Variants in MAN2A1 observed in about 807,000 individuals in gnomAD.
MAN2A1 encodes mannosidase alpha class 2A member 1.
Under a neutral mutation model 142.6 loss-of-function variants are expected in MAN2A1, and 76 were observed. That is an observed-to-expected ratio of 0.53 (90% CI 0.44 to 0.65). The LOEUF (loss-of-function observed/expected upper bound fraction) is 0.65, where lower values mean the gene tolerates loss of function less well. Ranked by LOEUF, MAN2A1 falls within the 30% of genes least tolerant of loss-of-function variation. The pLI, the probability that MAN2A1 is intolerant of heterozygous loss-of-function variation, is 0.00. For synonymous variants in MAN2A1, 559 were observed against 473.2 expected (o/e 1.18, Z -2.35); for missense variants, 1,311 against 1,365.1 (o/e 0.96, Z 0.62).
intron 20 of MAN2A1, chr5:109,863,433 G>A (rs962590212): frequency 2.0e-5 from 3 of 152,206 alleles, no homozygotes; most frequent in Admixed American, 2.0e-4. Flanking sequence ...GTAAATTGCA[G>A]AGCAAGGATC....
intron 12 of MAN2A1, among the ~76,000 whole-genome samples, chr5:109,797,958 C>T (rs1182762980): frequency 6.6e-6 from 1 of 152,148 alleles, no homozygotes; most frequent in Non-Finnish European, 1.5e-5. Flanking sequence ...ACCACAGGCA[C>T]ACTTCCCATA....
At chr5:109,707,909 G>C (rs1002767491) in intron 1 of MAN2A1, among the ~76,000 whole-genome samples, 2 of 152,122 alleles carry the variant, frequency 1.3e-5, no homozygotes, top group Admixed American at 1.3e-4. Flanking sequence ...TTGGACTTAA[G>C]TTTGAAAGCC....
rs1189260066 is a variant in MAN2A1 at position 109,809,370 on chromosome 5, A to G, written c.1944-7903A>G. On this transcript the variant is annotated intron_variant, in intron 12 of 21. Coordinates refer to ENST00000261483, the MANE Select transcript of MAN2A1 (RefSeq NM_002372.4). ...TTTGTGCTCTTCATTTTTCCCTGCA[A>G]TCTCATGTTTCCCTCTGATATTATT... 2.0e-5 allele frequency among the ~76,000 whole-genome samples: 3 copies of G among 151,174 alleles called. No homozygotes were observed. The East Asian group carries it at 5.8e-4, about 29-fold the overall frequency.
intron 1 of MAN2A1, among the ~76,000 whole-genome samples, chr5:109,696,248 A>G (rs1048570060): frequency 2.6e-5 from 4 of 151,894 alleles, no homozygotes; most frequent in African/African-American, 9.7e-5. Flanking sequence ...TTACAGGCAC[A>G]AGCCACCATG....
chr5:109,845,950 A>G lies in MAN2A1; in HGVS notation c.2786A>G (p.Lys929Arg). 1 of 1,613,832 alleles carries G rather than the reference A, an allele frequency of 6.2e-7. No individual in the cohort carries two copies. Among genetic ancestry groups the G allele is most frequent in the Non-Finnish European group, 8.5e-7 (1 of 1,179,788 alleles). ...ACAATGGCCTATATCCAGGATGCCAAACATCGTTTGACACTGCTCTCTGCT... is the reference window on the plus strand; with the variant it reads ...ACAATGGCCTATATCCAGGATGCCAGACATCGTTTGACACTGCTCTCTGCT... ...MTTMAYIQDA[K>R]HRLTLLSAQS... is the part of the protein sequence containing the mutation. The change falls in exon 18 of 22, where the codon AAA becomes AGA. Residue 929 changes from lysine to arginine, a missense_variant. By Grantham distance (26) the Lys-to-Arg change is conservative. Around this residue, in one of 3 missense-constraint regions of MAN2A1, gnomAD observed 890 missense variants for 920.5 expected, o/e 0.97. Transcript: ENST00000261483.
chr5:109,748,099 C>T (rs978049145), intron 4 of MAN2A1, among the ~76,000 whole-genome samples: 1 of 151,988 alleles, frequency 6.6e-6, no homozygotes, highest in Non-Finnish European at 1.5e-5. Context: ...TATCTTTTGT[C>T]TTTAGTATAT....
At chr5:109,816,970 A>G (rs1754477427) in intron 12 of MAN2A1, among the ~76,000 whole-genome samples, 1 of 152,050 alleles carries the variant, frequency 6.6e-6, no homozygotes, top group Non-Finnish European at 1.5e-5. Context: ...TGACTCTATG[A>G]CTGTCCATGA....
In MAN2A1 at chr5:109,690,637, C is replaced by T. The variant is rs1750640179; in HGVS notation, c.135+85C>T. 3.5e-6 allele frequency: 5 copies of T among 1,434,710 alleles called. No homozygotes were observed. In the East Asian group the frequency reaches 1.2e-4, roughly 36 times the overall value. The allele number at this position is 1,434,710 out of a possible 1,614,324, so 88.9% of individuals were successfully genotyped here. A position where few individuals can be genotyped will look rare whatever the true frequency, so the allele number is the denominator to read the frequency against. On this transcript the variant is annotated intron_variant, in intron 1 of 21. Coordinates refer to ENST00000261483, the MANE Select transcript of MAN2A1 (RefSeq NM_002372.4). ...AGCGGCTGCTACCCAACCTCTTCCT[C>T]CCGCCGCGGCCCCACACCCGTGCTG...
chr5:109,797,334 A>C (rs1362071093), intron 12 of MAN2A1, among the ~76,000 whole-genome samples: 1 of 152,208 alleles, frequency 6.6e-6, no homozygotes, highest in East Asian at 1.9e-4. Context: ...AAGGTGAAAC[A>C]CTGAAACAAA....
chr5:109,856,928 C>A (rs1755618736), intron 20 of MAN2A1, among the ~76,000 whole-genome samples: 1 of 151,892 alleles, frequency 6.6e-6, no homozygotes, highest in Non-Finnish European at 1.5e-5. Flanking sequence ...AGGAGAAAAA[C>A]AAGAAAAAGT....
intron 16 of MAN2A1, among the ~76,000 whole-genome samples, chr5:109,825,192 A>G (rs1454711864): frequency 6.6e-6 from 1 of 152,180 alleles, no homozygotes; most frequent in African/African-American, 2.4e-5. Context: ...CCATTATTTA[A>G]TACCCCTGAG....
At chr5:109,798,971 T>C (rs1202149339) in intron 12 of MAN2A1, among the ~76,000 whole-genome samples, 1 of 152,032 alleles carries the variant, frequency 6.6e-6, no homozygotes, top group Non-Finnish European at 1.5e-5. Context: ...GGATTACAGG[T>C]GTGAGCCATC....
At chr5:109,780,799 C>G (rs1011038956) in intron 8 of MAN2A1, among the ~76,000 whole-genome samples, 1 of 152,048 alleles carries the variant, frequency 6.6e-6, no homozygotes, top group East Asian at 1.9e-4. Flanking sequence ...CTTAGCACTC[C>G]TTGGATTTAA....
At chr5:109,842,590 A>G (rs1166234377) in intron 17 of MAN2A1, 129 bp downstream of exon 17, 1 of 558,886 alleles carries the variant, frequency 1.8e-6, no homozygotes, top group African/African-American at 1.9e-5. Context: ...ATCTAAAATA[A>G]AACTGAATTT....
chr5:109,704,437 G>T (rs541565672), intron 1 of MAN2A1, among the ~76,000 whole-genome samples: 1 of 152,290 alleles, frequency 6.6e-6, no homozygotes, highest in South Asian at 2.1e-4. Context: ...AGAAATTCAG[G>T]CATGTTAGGC....
At chr5:109,789,315 G>A (rs1350767146) in intron 11 of MAN2A1, 145 bp from the exon 12 acceptor site, 1 of 551,000 alleles carries the variant, frequency 1.8e-6, no homozygotes, top group Non-Finnish European at 3.2e-6. Context: ...GTTTTGCTTG[G>A]CTTTAATTAG....
chr5:109,745,401 C>T lies in MAN2A1; in HGVS notation c.708-9928C>T, dbSNP rs549828885. Reference sequence around the variant, plus strand: ...AAGTAAATTAACTTGGTTAAAAACTCTGGCTCCCATAACCCTTTGTGCATA... The same window carrying T: ...AAGTAAATTAACTTGGTTAAAAACTTTGGCTCCCATAACCCTTTGTGCATA... On this transcript the variant is annotated intron_variant, in intron 4 of 21. Transcript: ENST00000261483. 7.2e-5 allele frequency among the ~76,000 whole-genome samples: 11 copies of T among 152,196 alleles called. 1 individual carries two copies. Among genetic ancestry groups the T allele is most frequent in the African/African-American group, 2.6e-4 (11 of 41,546 alleles).
intron 8 of MAN2A1, among the ~76,000 whole-genome samples, chr5:109,778,593 TG>T (rs1381776828): frequency 6.6e-6 from 1 of 152,116 alleles, no homozygotes; most frequent in Non-Finnish European, 1.5e-5. Flanking sequence ...GACATTGCTT[TG>T]TGTTAGGCCT....
intron 16 of MAN2A1, among the ~76,000 whole-genome samples, chr5:109,827,811 T>G (rs548237966): frequency 9.2e-5 from 14 of 152,170 alleles, no homozygotes; most frequent in African/African-American, 2.9e-4. Flanking sequence ...GTTCAGAATT[T>G]CTAATGAAGG....
Sources: allele counts gnomAD v4.1 joint callset (sites outside exome capture counted in the v4.1 genomes callset), GRCh38; gene constraint gnomAD v4.1.1; regional missense constraint gnomAD v4.1.1; transcripts MANE v1.5; gene names NCBI Gene and HGNC (gene_info 2026-07-23, HGNC 2026-07-21).